SUSD1: variants seen among roughly 807,000 people sequenced by gnomAD.
SUSD1 encodes sushi domain-containing protein 1.
In SUSD1, 65 loss-of-function variants were observed where a neutral mutation model predicts 86.9. That is an observed-to-expected ratio of 0.75 (90% CI 0.61 to 0.92). The LOEUF (loss-of-function observed/expected upper bound fraction) is 0.92. Among genes scored for constraint, SUSD1 ranks in the 40% least tolerant of loss-of-function variants. The pLI is 0.00. For synonymous variants in SUSD1, 346 were observed against 350.0 expected (o/e 0.99, Z 0.13); for missense variants, 850 against 929.7 (o/e 0.91, Z 1.11).
At chr9:112,140,346 G>A (rs1832508131) in intron 5 of SUSD1, among the ~76,000 whole-genome samples, 1 of 144,476 alleles carries the variant, frequency 6.9e-6, no homozygotes, top group South Asian at 2.1e-4. Flanking sequence ...TCCGGCCTGG[G>A]CGACAGAGCG....
At chr9:112,153,754 C>T (rs145727095) in intron 2 of SUSD1, among the ~76,000 whole-genome samples, 1 of 151,986 alleles carries the variant, frequency 6.6e-6, no homozygotes, top group East Asian at 1.9e-4. Flanking sequence ...GCTGAGATTA[C>T]AGGCGCCTGC....
chr9:112,149,576 C>T (rs950304466), intron 2 of SUSD1, among the ~76,000 whole-genome samples, 177 bp from the exon 3 acceptor site: 4 of 152,150 alleles, frequency 2.6e-5, no homozygotes, highest in Non-Finnish European at 5.9e-5. Flanking sequence ...GGACCTGGGC[C>T]CCTCGTAGTT....
At chr9:112,102,323 C>T in intron 8 of SUSD1, 38 bp from the exon 9 acceptor site, 1 of 1,180,376 alleles carries the variant, frequency 8.5e-7, no homozygotes, top group Non-Finnish European at 1.2e-6. Context: ...CAGCTTGCAC[C>T]ATCTTAGCAA....
At chr9:112,110,543 C>A (rs549961350) in intron 8 of SUSD1, among the ~76,000 whole-genome samples, 1 of 151,764 alleles carries the variant, frequency 6.6e-6, no homozygotes, top group South Asian at 2.1e-4. Context: ...TGCACCATCA[C>A]ACCAAGCTAA....
At position 112,041,234 on chromosome 9, in the gene SUSD1, G is replaced by C; in HGVS notation, c.*258C>G. ...CGGTCAATATCACAGTGTACATCAG[G>C]AGTCTCAAGTTCATTGCACAGAACT... On this transcript the variant is annotated 3_prime_UTR_variant, in exon 17 of 17. Transcript: ENST00000374270. 1 of 599,158 alleles carries C rather than the reference G, an allele frequency of 1.7e-6. No individual in the cohort carries two copies. Among genetic ancestry groups the C allele is most frequent in the Non-Finnish European group, 3.0e-6 (1 of 336,806 alleles). 37.1% of individuals were successfully genotyped at this position (599,158 alleles called of 1,614,324 possible). A position where few individuals can be genotyped will look rare whatever the true frequency, so the allele number is the denominator to read the frequency against.
chr9:112,133,158 C>G (rs1253418210), intron 5 of SUSD1, among the ~76,000 whole-genome samples: 3 of 152,056 alleles, frequency 2.0e-5, no homozygotes, highest in African/African-American at 7.2e-5. Flanking sequence ...GCATGTAGTC[C>G]CAGCTACTCG....
intron 12 of SUSD1, among the ~76,000 whole-genome samples, chr9:112,073,749 C>T (rs949946691): frequency 4.0e-5 from 6 of 151,766 alleles, no homozygotes; most frequent in Admixed American, 3.9e-4. Flanking sequence ...TAAAATTAGA[C>T]GGGGCTGGTG....
At chr9:112,173,256 G>A (rs1006013479) in intron 1 of SUSD1, among the ~76,000 whole-genome samples, 5 of 152,110 alleles carry the variant, frequency 3.3e-5, no homozygotes, top group African/African-American at 1.2e-4. Context: ...CATCAGGCAT[G>A]GTAAAAGTCC....
chr9:112,170,716 G>GAGAA (rs1411211003), intron 1 of SUSD1, among the ~76,000 whole-genome samples: 1 of 111,630 alleles, frequency 9.0e-6, no homozygotes, highest in Non-Finnish European at 1.9e-5. Context: ...TATATAGAGA[G>GAGAA]AGAGAGAGAG....
chr9:112,124,415 G>A lies in SUSD1; in HGVS notation c.728C>T (p.Pro243Leu). The change falls in exon 6 of 17, where the codon CCA (proline) becomes CTA (leucine). Residue 243 changes from proline to leucine, a missense_variant. Transcript: ENST00000374270. ...HCQEINCGNP[P>L]EMRHAILVGN... Reference sequence around the variant, plus strand: ...TACCAAGATGGCGTGCCGCATTTCTGGAGGGTTGCCACAGTTGATCTCTGC... The same window carrying A: ...TACCAAGATGGCGTGCCGCATTTCTAGAGGGTTGCCACAGTTGATCTCTGC... 6.2e-7 allele frequency: 1 copy of A among 1,614,044 alleles called. No homozygotes were observed. The highest frequency in any genetic ancestry group is 2.2e-5 in the East Asian group (1 of 44,890).
At chr9:112,173,600 C>T (rs897674823) in intron 1 of SUSD1, 1 of 417,280 alleles carries the variant, frequency 2.4e-6, no homozygotes. Context: ...CAGCCTGAGC[C>T]TTGGTTTGAT....
intron 15 of SUSD1, among the ~76,000 whole-genome samples, chr9:112,042,417 A>G (rs563382631): frequency 3.5e-4 from 53 of 152,308 alleles, no homozygotes; most frequent in African/African-American, 1.2e-3. Flanking sequence ...TCCTTTGTTG[A>G]GTCACCTGTC....
intron 15 of SUSD1, chr9:112,042,182 A>G: frequency 1.3e-6 from 2 of 1,536,418 alleles, no homozygotes; most frequent in Non-Finnish European, 1.7e-6. Flanking sequence ...AGGAAGTGTA[A>G]AGCCAGACCA....
intron 14 of SUSD1, among the ~76,000 whole-genome samples, chr9:112,057,571 T>C (rs2118948400): frequency 6.6e-6 from 1 of 152,352 alleles, no homozygotes; most frequent in Admixed American, 6.5e-5. Flanking sequence ...CACAAAGCGC[T>C]GCTAGACATC....
chr9:112,060,779 T>G (rs948658499), intron 13 of SUSD1, among the ~76,000 whole-genome samples: 1 of 152,204 alleles, frequency 6.6e-6, no homozygotes, highest in African/African-American at 2.4e-5. Context: ...CATCCCTACA[T>G]CATAGCCACA....
chr9:112,124,365 C>A lies in SUSD1; in HGVS notation c.778G>T (p.Gly260Cys), dbSNP rs372453127. Reference sequence around the variant, plus strand: ...TCTTGACAGACATAGCGAGCCACACCGCCCAGCCTGGAGCTGTGATTTCCT... The same window carrying A: ...TCTTGACAGACATAGCGAGCCACACAGCCCAGCCTGGAGCTGTGATTTCCT... ...LVGNHSSRLG[G>C]VARYVCQEGF... is the part of the protein sequence containing the mutation. Residue 260 changes from glycine (G) to cysteine (C), a missense_variant, in exon 6 of 17, where the codon GGT (glycine) becomes TGT (cysteine). By Grantham distance (159) the Gly-to-Cys change is radical. Coordinates refer to ENST00000374270, the MANE Select transcript of SUSD1 (RefSeq NM_022486.5). 6.2e-6 allele frequency: 10 copies of A among 1,614,060 alleles called. No individual in the cohort carries two copies. Among genetic ancestry groups the A allele is most frequent in the Middle Eastern group, 3.3e-4 (2 of 6,084 alleles).
intron 15 of SUSD1, among the ~76,000 whole-genome samples, chr9:112,050,345 T>G (rs573316988): frequency 9.3e-4 from 142 of 152,250 alleles, no homozygotes; most frequent in African/African-American, 3.4e-3. Context: ...TGCACCCTGC[T>G]GAAAAGCCAA....
At chr9:112,110,997 G>GTT (rs200617783) in intron 8 of SUSD1, among the ~76,000 whole-genome samples, 2 of 150,910 alleles carry the variant, frequency 1.3e-5, no homozygotes, top group Non-Finnish European at 3.0e-5. Flanking sequence ...GGTTTTTTTG[G>GTT]GTTTTTTTTG....
At chr9:112,044,514 T>C (rs1021086625) in intron 15 of SUSD1, among the ~76,000 whole-genome samples, 2 of 152,242 alleles carry the variant, frequency 1.3e-5, no homozygotes, top group African/African-American at 4.8e-5. Flanking sequence ...ATGTTAGCTA[T>C]TGTTAATTAT....
Sources: allele counts gnomAD v4.1 joint callset (sites outside exome capture counted in the v4.1 genomes callset), GRCh38; gene constraint gnomAD v4.1.1; transcripts MANE v1.5; gene names NCBI Gene and HGNC (gene_info 2026-07-23, HGNC 2026-07-21).